Variants in DIS3L2 observed in about 807,000 individuals in gnomAD.
DIS3L2 encodes the protein DIS3 like 3'-5' exoribonuclease 2.
DIS3L2 carries 34 observed loss-of-function variants against 97.5 expected under a neutral mutation model. The ratio of observed to expected loss-of-function variants is 0.35; its 90% CI spans 0.27 to 0.46. DIS3L2 has a LOEUF of 0.46. Ranked by LOEUF, DIS3L2 falls within the 20% of genes least tolerant of loss-of-function variation. DIS3L2 has a pLI of 1.00. For missense variants in DIS3L2, 1,038 were observed against 1,146.0 expected (o/e 0.91, Z 1.36); for synonymous variants, 435 against 445.2 (o/e 0.98, Z 0.29).
At chr2:232,126,073 T>G (rs1698057159) in intron 6 of DIS3L2, among the ~76,000 whole-genome samples, 1 of 152,222 alleles carries the variant, frequency 6.6e-6, no homozygotes, top group Non-Finnish European at 1.5e-5. Context: ...GCCATTATCT[T>G]AATTTGGGTT....
At chr2:232,218,867 T>C (rs928276969) in intron 10 of DIS3L2, among the ~76,000 whole-genome samples, 2 of 152,220 alleles carry the variant, frequency 1.3e-5, no homozygotes, top group Non-Finnish European at 2.9e-5. Flanking sequence ...ACCTATGGGT[T>C]AGGTCTGCAG....
At chr2:232,077,307 A>G (rs1234781520) in intron 5 of DIS3L2, among the ~76,000 whole-genome samples, 1 of 152,136 alleles carries the variant, frequency 6.6e-6, no homozygotes, top group Non-Finnish European at 1.5e-5. Context: ...CCTTCCAAAA[A>G]AAAAAAAAAC....
Position 232,278,917 on chromosome 2 carries a change from A to G in DIS3L2, c.1659+15477A>G, listed in dbSNP as rs566347371. Among the ~76,000 whole-genome samples the G allele has an allele frequency of 2.0e-5, 3 of 152,212 alleles. No individual in the cohort carries two copies. The South Asian group carries it at 6.2e-4, about 32-fold the overall frequency. On this transcript the variant is annotated intron_variant, in intron 13 of 20. Coordinates refer to ENST00000325385, the MANE Select transcript of DIS3L2 (RefSeq NM_152383.5). ...AGTGACTATACCACTTTGCATTCTC[A>G]TCAGCAATTTTTTGTTTGTTTGTTT... is the stretch of plus-strand genomic sequence containing the variant.
At chr2:232,213,632 G>GT (rs767410962) in intron 10 of DIS3L2, among the ~76,000 whole-genome samples, 172 of 100,202 alleles carry the variant, frequency 1.7e-3, no homozygotes, top group Non-Finnish European at 2.8e-3. Context: ...AACAAATAGT[G>GT]TTTTCTCGGT....
rs996668417 is a variant in DIS3L2 at position 232,190,580 on chromosome 2, AAGAG to A, written c.1125-19737_1125-19734del. Among the ~76,000 whole-genome samples the A allele has an allele frequency of 4.6e-5, 7 of 151,926 alleles. No individual in the cohort carries two copies. The South Asian group carries it at 6.3e-4, about 14-fold the overall frequency. ...GAGATGAGATGAGAGAGAGAGAAAG[AAGAG>A]AGAGAGAGGAAGAGAGGAAGGAAGG... On this transcript the variant is annotated intron_variant, in intron 9 of 20. Coordinates refer to ENST00000325385, the MANE Select transcript of DIS3L2 (RefSeq NM_152383.5).
intron 3 of DIS3L2, among the ~76,000 whole-genome samples, chr2:232,017,190 G>A (rs926726687): frequency 5.3e-5 from 8 of 151,972 alleles, no homozygotes; most frequent in South Asian, 2.1e-4. Context: ...GGATTCAAGC[G>A]ATTCTTGTGC....
chr2:232,126,426 C>T (rs1034963709), intron 6 of DIS3L2, among the ~76,000 whole-genome samples: 14 of 152,226 alleles, frequency 9.2e-5, no homozygotes, highest in Non-Finnish European at 4.4e-5. Flanking sequence ...CCACAGTCTT[C>T]AGCTCATTCT....
At chr2:232,185,670 A>G (rs1423539130) in intron 9 of DIS3L2, among the ~76,000 whole-genome samples, 1 of 152,138 alleles carries the variant, frequency 6.6e-6, no homozygotes, top group Non-Finnish European at 1.5e-5. Context: ...CCTCGTCTCT[A>G]CTAAAAAAAT....
chr2:231,998,356 C>T (rs751021423), intron 1 of DIS3L2, among the ~76,000 whole-genome samples: 2 of 152,196 alleles, frequency 1.3e-5, no homozygotes, highest in Non-Finnish European at 2.9e-5. Context: ...AATTCATTCA[C>T]TATGGTTGAG....
At chr2:232,342,152 CAT>C (rs1019616778), downstream of DIS3L2, among the ~76,000 whole-genome samples, 16 of 151,446 alleles carry the variant, frequency 1.1e-4, no homozygotes, top group Admixed American at 4.6e-4. Flanking sequence ...CATATATACA[CAT>C]ATACATATAC....
At chr2:232,324,550 C>T (rs1253844800) in intron 14 of DIS3L2, among the ~76,000 whole-genome samples, 1 of 152,114 alleles carries the variant, frequency 6.6e-6, no homozygotes, top group East Asian at 1.9e-4. Context: ...TCTGAGTGTC[C>T]TGTGTGAGGA....
At chr2:232,262,309 C>G (rs992539860) in intron 12 of DIS3L2, among the ~76,000 whole-genome samples, 3 of 152,156 alleles carry the variant, frequency 2.0e-5, no homozygotes, top group African/African-American at 7.2e-5. Context: ...CTAGGAGTCC[C>G]CAAAATGTTT....
Position 232,325,099 on chromosome 2 carries a change from C to T in DIS3L2, c.1740-4714C>T, listed in dbSNP as rs1391870985. On this transcript the variant is annotated intron_variant, in intron 14 of 20. Transcript: ENST00000325385. This position sits in a 1 kb window ranked among gnomAD's most constrained non-coding sequence, Gnocchi z 4.6. ...GGCAGGCTTCCTCTGAAGAGCAGAT[C>T]GCTTTACCCCTTTCTCATCTCATCA... is the stretch of plus-strand genomic sequence containing the variant. Among the ~76,000 whole-genome samples the T allele has an allele frequency of 2.0e-5, 3 of 152,230 alleles. No individual in the cohort carries two copies. Among genetic ancestry groups the T allele is most frequent in the Admixed American group, 6.5e-5 (1 of 15,286 alleles).
At chr2:231,972,874 C>T (rs911024596) in intron 1 of DIS3L2, among the ~76,000 whole-genome samples, 1 of 152,146 alleles carries the variant, frequency 6.6e-6, no homozygotes, top group African/African-American at 2.4e-5. Context: ...CTGGGATAAA[C>T]CCCACTTGAT....
intron 13 of DIS3L2, among the ~76,000 whole-genome samples, chr2:232,278,609 C>G (rs1004593067): frequency 3.3e-5 from 5 of 152,146 alleles, no homozygotes; most frequent in Non-Finnish European, 7.4e-5. Context: ...CATGAAAGTG[C>G]ATTTGAGGGT....
intron 7 of DIS3L2, among the ~76,000 whole-genome samples, chr2:232,134,079 A>G (rs1698292484): frequency 6.6e-6 from 1 of 151,948 alleles, no homozygotes; most frequent in Admixed American, 6.6e-5. Context: ...GGATAGGCTC[A>G]GTAGTAGAGA....
intron 1 of DIS3L2, among the ~76,000 whole-genome samples, chr2:231,998,412 A>G (rs1043064124): frequency 6.6e-6 from 1 of 152,216 alleles, no homozygotes; most frequent in African/African-American, 2.4e-5. Flanking sequence ...TGTTAATACC[A>G]TTACAATGAC....
At chr2:231,990,849 G>A (rs370344474) in intron 1 of DIS3L2, among the ~76,000 whole-genome samples, 1 of 152,170 alleles carries the variant, frequency 6.6e-6, no homozygotes, top group South Asian at 2.1e-4. Context: ...TTACCAAGAT[G>A]TGAATATACT....
chr2:232,250,011 A>T (rs1693375714), intron 12 of DIS3L2, among the ~76,000 whole-genome samples: 1 of 152,174 alleles, frequency 6.6e-6, no homozygotes, highest in South Asian at 2.1e-4. Flanking sequence ...TGTCGTCGGG[A>T]TGTGCCTATG....
Sources: gnomAD v4.1 joint callset for allele counts (sites outside exome capture counted in the v4.1 genomes callset) on GRCh38, gnomAD v4.1.1 for gene constraint, Gnocchi (gnomAD v3.1) non-coding constraint, MANE v1.5 for transcripts, NCBI Gene and HGNC (gene_info 2026-07-23, HGNC 2026-07-21) for gene names.